The following XRCC6 variants were observed in gnomAD, a reference collection of about 807,000 sequenced individuals.
The protein encoded by XRCC6 is X-ray repair cross complementing 6, also known as DNA repair protein Ku70.
Under a neutral mutation model 65.7 loss-of-function variants are expected in XRCC6, and 5 were observed. The ratio of observed to expected loss-of-function variants is 0.08; its 90% CI spans 0.04 to 0.16. The LOEUF (loss-of-function observed/expected upper bound fraction) is 0.16. Ranked by LOEUF, XRCC6 falls within the 10% of genes least tolerant of loss-of-function variation. The pLI is 1.00. For synonymous variants in XRCC6, 270 were observed against 270.6 expected, an observed-to-expected ratio of 1.00 and a Z score of 0.02; for missense variants, 447 against 738.1, an observed-to-expected ratio of 0.61 and a Z score of 4.57.
intron 6 of XRCC6, among the ~76,000 whole-genome samples, chr22:41,645,640 G>GT (rs990230739): frequency 6.7e-6 from 1 of 150,208 alleles, no homozygotes; most frequent in African/African-American, 2.5e-5. Context: ...AAATTGGGGT[G>GT]TTTTTTTGTT....
At chr22:41,657,117 C>T (rs2068052207) in intron 10 of XRCC6, 85 bp downstream of exon 10, 1 of 1,453,372 alleles carries the variant, frequency 6.9e-7, no homozygotes, top group African/African-American at 1.4e-5. Flanking sequence ...AAGAGAATGG[C>T]ACTACTCTTT....
In XRCC6 at chr22:41,661,439, A is replaced by G; in HGVS notation, c.1631A>G (p.Lys544Arg). The change falls in exon 12 of 13, where the codon AAA becomes AGA. Residue 544 changes from lysine (K) to arginine (R), a missense_variant. Lys to Arg is a conservative substitution (Grantham distance 26). Coordinates refer to ENST00000360079, the MANE Select transcript of XRCC6 (RefSeq NM_001469.5). Reference sequence around the variant, plus strand: ...CCTGAAGGGAAAGTTACCAAGAGAAAACACGGTGAGAAGCTGAATGTGGAC... The same window carrying G: ...CCTGAAGGGAAAGTTACCAAGAGAAGACACGGTGAGAAGCTGAATGTGGAC... ...YNPEGKVTKR[K>R]HDNEGSGSKR... 6.2e-7 allele frequency: 1 copy of G among 1,613,748 alleles called. No homozygotes were observed. Among genetic ancestry groups the G allele is most frequent in the South Asian group, 1.1e-5 (1 of 90,992 alleles).
At chr22:41,649,593 G>C (rs897503792) in intron 7 of XRCC6, among the ~76,000 whole-genome samples, 1 of 151,798 alleles carries the variant, frequency 6.6e-6, no homozygotes, top group African/African-American at 2.4e-5. Flanking sequence ...GGTGGCTCAC[G>C]CCTGTAATCC....
At chr22:41,638,142 A>G (rs766099913) in intron 6 of XRCC6, among the ~76,000 whole-genome samples, 3 of 152,122 alleles carry the variant, frequency 2.0e-5, no homozygotes, top group Non-Finnish European at 4.4e-5. Context: ...TATCTCTGGC[A>G]AGAGCTGGCA....
chr22:41,634,386 T>C (rs1426108621), intron 3 of XRCC6, among the ~76,000 whole-genome samples: 1 of 151,992 alleles, frequency 6.6e-6, no homozygotes, highest in Non-Finnish European at 1.5e-5. Flanking sequence ...AGACATTGTT[T>C]TGCCATGTTG....
intron 7 of XRCC6, among the ~76,000 whole-genome samples, chr22:41,649,137 A>T (rs190870676): frequency 0.043 from 4,024 of 92,646 alleles, 104 homozygotes; most frequent in Middle Eastern, 0.059. Flanking sequence ...AAAAAAAAAA[A>T]AAATATATAT....
chr22:41,631,907 C>T (rs1035483729), intron 3 of XRCC6, among the ~76,000 whole-genome samples: 1 of 152,210 alleles, frequency 6.6e-6, no homozygotes, highest in Non-Finnish European at 1.5e-5. Flanking sequence ...TGGCGGATCA[C>T]TCGCGGTTAG....
intron 6 of XRCC6, among the ~76,000 whole-genome samples, chr22:41,644,410 C>T (rs1369006505): frequency 1.3e-5 from 2 of 151,838 alleles, no homozygotes; most frequent in Non-Finnish European, 2.9e-5. Flanking sequence ...GGTTATTTTA[C>T]GTTCTTTTTT....
chr22:41,624,104 T>A (rs1283060393), intron 2 of XRCC6, among the ~76,000 whole-genome samples: 1 of 151,818 alleles, frequency 6.6e-6, no homozygotes, highest in African/African-American at 2.4e-5. Context: ...CTGTAATTTG[T>A]CTGGGTGTGG....
Position 41,636,059 on chromosome 22 carries a change from T to C in XRCC6, c.196-54T>C, listed in dbSNP as rs940336558. On this transcript the variant is annotated intron_variant, in intron 3 of 12. Coordinates refer to ENST00000360079, the MANE Select transcript of XRCC6 (RefSeq NM_001469.5). Reference sequence around the variant, plus strand: ...TGAGCAACTAATAGGTACTGAGCACTTATGGAGCTTCCATTTAGTGGTAAG... The same window carrying C: ...TGAGCAACTAATAGGTACTGAGCACCTATGGAGCTTCCATTTAGTGGTAAG... 9 of 1,516,294 alleles carry C rather than the reference T, an allele frequency of 5.9e-6. No homozygotes were observed. In the South Asian group the frequency reaches 1.2e-4, roughly 20 times the overall value. The allele number at this position is 1,516,294 out of a possible 1,614,324, so 93.9% of individuals were successfully genotyped here.
At chr22:41,640,158 C>CT (rs202012277) in intron 6 of XRCC6, among the ~76,000 whole-genome samples, 3,372 of 151,106 alleles carry the variant, frequency 0.022, 59 homozygotes, top group Non-Finnish European at 0.031. Context: ...TCCCAAGTAG[C>CT]TTTTTTTTGA....
chr22:41,656,804 C>T (rs1017393137), intron 9 of XRCC6, 99 bp from the exon 10 acceptor site: 67 of 1,556,840 alleles, frequency 4.3e-5, no homozygotes, highest in Middle Eastern at 4.7e-4. Context: ...GGGCCCCAGC[C>T]CCAGCACCAC....
At chr22:41,647,581 CA>C (rs34674929) in intron 7 of XRCC6, among the ~76,000 whole-genome samples, 2,670 of 134,214 alleles carry the variant, frequency 0.02, 81 homozygotes, top group African/African-American at 0.068. Context: ...AACTCCGTCT[CA>C]AAAAAAAAAA....
rs777605733 is a variant in XRCC6 at position 41,661,464 on chromosome 22, CAT to C, written c.1636+21_1636+22del. On this transcript the variant is annotated intron_variant, in intron 12 of 12. Coordinates refer to ENST00000360079, the MANE Select transcript of XRCC6 (RefSeq NM_001469.5). Reference sequence around the variant, plus strand: ...AACACGGTGAGAAGCTGAATGTGGACATGTGGGCTATTTTTAAAAATTGCTTT... The same window carrying C: ...AACACGGTGAGAAGCTGAATGTGGACGTGGGCTATTTTTAAAAATTGCTTT... 1.2e-6 allele frequency: 2 copies of C among 1,600,502 alleles called. No homozygotes were observed. Among genetic ancestry groups the C allele is most frequent in the Non-Finnish European group, 8.5e-7 (1 of 1,170,954 alleles).
At chr22:41,650,566 T>C (rs145486777) in intron 7 of XRCC6, among the ~76,000 whole-genome samples, 157 bp from the exon 8 acceptor site, 114 of 152,292 alleles carry the variant, frequency 7.5e-4, no homozygotes, top group East Asian at 9.6e-4. Context: ...ACTCAATAAA[T>C]GTTAATTCCC....
At position 41,628,102 on chromosome 22, in the gene XRCC6, A is replaced by AT. The variant is rs28384713; in HGVS notation, c.83-9dup. The AT allele has an allele frequency of 1.7e-3, 2,696 of 1,562,830 alleles. 40 individuals carry two copies. In the African/African-American group the frequency reaches 0.033, roughly 19 times the overall value. On this transcript the variant is annotated splice_polypyrimidine_tract_variant and intron_variant, in intron 2 of 12. Coordinates refer to ENST00000360079, the MANE Select transcript of XRCC6 (RefSeq NM_001469.5). ...AAAACAAGGACAAACATTTTCTTCC[A>AT]TTTTTTTCCCCATAGGAGACTATAA... is the stretch of plus-strand genomic sequence containing the variant.
intron 12 of XRCC6, among the ~76,000 whole-genome samples, chr22:41,662,280 T>G (rs2068106575): frequency 6.6e-6 from 1 of 152,210 alleles, no homozygotes; most frequent in South Asian, 2.1e-4. Context: ...TATGCTGATG[T>G]GATTATTTCA....
intron 3 of XRCC6, among the ~76,000 whole-genome samples, chr22:41,629,797 G>C (rs888294189): frequency 2.6e-5 from 4 of 152,036 alleles, no homozygotes; most frequent in African/African-American, 7.3e-5. Context: ...AGCCTCCAGA[G>C]TAGCTGGGAC....
chr22:41,643,642 G>C (rs898014588), intron 6 of XRCC6, among the ~76,000 whole-genome samples: 1 of 152,028 alleles, frequency 6.6e-6, no homozygotes, highest in Admixed American at 6.6e-5. Flanking sequence ...CCAACATGGC[G>C]AAGCACCGTC....
Sources: allele counts gnomAD v4.1 joint callset (sites outside exome capture counted in the v4.1 genomes callset), GRCh38; gene constraint gnomAD v4.1.1; transcripts MANE v1.5; gene names NCBI Gene and HGNC (gene_info 2026-07-23, HGNC 2026-07-21).